Variants in IGFALS observed in about 807,000 individuals in gnomAD.
IGFALS encodes insulin like growth factor binding protein acid labile subunit, also known as insulin-like growth factor-binding protein complex acid labile subunit.
Under a neutral mutation model 2.6 loss-of-function variants are expected in IGFALS, and 2 were observed. That is an observed-to-expected ratio of 0.77 (90% CI 0.32 to 2.44). The LOEUF is 2.44. Ranked by LOEUF, IGFALS falls within the 30% of genes most tolerant of loss-of-function variation. IGFALS has a pLI of 0.11. For synonymous variants in IGFALS, 519 were observed against 431.9 expected, an observed-to-expected ratio of 1.20 and a Z score of -2.50; for missense variants, 996 against 848.7, an observed-to-expected ratio of 1.17 and a Z score of -2.16.
chr16:1,793,242 C>T (rs1013928197), intron 1 of IGFALS, among the ~76,000 whole-genome samples: 10 of 152,052 alleles, frequency 6.6e-5, no homozygotes, highest in Non-Finnish European at 1.2e-4. Context: ...TGGGGGTGGC[C>T]GAAGCTGCAA....
rs1411843641 is a variant in IGFALS, at chr16:1,791,861, G to C, written c.557C>G (p.Pro186Arg). 6.4e-7 allele frequency: 1 copy of C among 1,557,114 alleles called. No individual in the cohort carries two copies. The highest frequency in any genetic ancestry group is 1.2e-5 in the South Asian group (1 of 85,098). ...GCCCAGGCCGCGGAACGCCGCATCGGGGAGCACCGCCAGGCTATTCCAGCC... is the reference window on the plus strand; with the variant it reads ...GCCCAGGCCGCGGAACGCCGCATCGCGGAGCACCGCCAGGCTATTCCAGCC... ...NLGWNSLAVLPDAAFRGLGSL... is the reference protein window; with the variant it reads ...NLGWNSLAVLRDAAFRGLGSL... The change falls in exon 2 of 2, where the codon CCC becomes CGC. Residue 186 changes from proline (P) to arginine (R), a missense_variant. Coordinates refer to ENST00000215539, the MANE Select transcript of IGFALS (RefSeq NM_004970.3).
rs761055308 is a variant in IGFALS at position 1,790,718 on chromosome 16, T to A, written c.1700A>T (p.Glu567Val). The A allele has an allele frequency of 6.2e-7, 1 of 1,608,738 alleles. No homozygotes were observed. Among genetic ancestry groups the A allele is most frequent in the South Asian group, 1.1e-5 (1 of 90,202 alleles). Residue 567 changes from glutamate to valine, a missense_variant, in exon 2 of 2, where the codon GAG (glutamate) becomes GTG (valine). Transcript: ENST00000215539. ...AVPRFVQAICEGDDCQPPAYT... is the reference protein window; with the variant it reads ...AVPRFVQAICVGDDCQPPAYT... The stretch of plus-strand genomic sequence containing the variant: ...CGCGGGCGGCTGGCAATCGTCCCCC[T>A]CACAGATGGCCTGGACGAAGCGGGG...
rs756776590 is a variant in IGFALS, at chr16:1,791,752, C to T, written c.666G>A (p.Glu222=). 19 of 1,550,306 alleles carry T rather than the reference C, an allele frequency of 1.2e-5. No homozygotes were observed. Among genetic ancestry groups the T allele is most frequent in the Non-Finnish European group, 1.6e-5 (19 of 1,151,848 alleles). Residue 222 remains glutamate, a synonymous_variant, in exon 2 of 2, where the codon GAG becomes GAA. Transcript: ENST00000215539. The stretch of plus-strand genomic sequence containing the variant: ...GCAGCGCGTTCCTGCTCAGGTCCAG[C>T]TCCCGGAGCTCGGCCAGGCCGCTGA... ...ALFSGLAELR[E]LDLSRNALRA...
At position 1,792,196 on chromosome 16, in the gene IGFALS, G is replaced by A. The variant is rs749269481; in HGVS notation, c.222C>T (p.Gly74=). ...CGTCCAGCCACAGGGCTTGGGTGCC[G>A]CCCGGGACTCCATCAGGCAGGCGCG... ...NLTRLPDGVP[G]GTQALWLDGN... is the part of the protein sequence containing the mutation. Residue 74 remains glycine, a synonymous_variant, in exon 2 of 2, where the codon GGC becomes GGT. Transcript: ENST00000215539. The A allele has an allele frequency of 1.1e-5, 17 of 1,610,260 alleles. No individual in the cohort carries two copies. The highest frequency in any genetic ancestry group is 3.3e-5 in the South Asian group (3 of 90,982).
intron 1 of IGFALS, among the ~76,000 whole-genome samples, chr16:1,792,837 A>G (rs1191560676): frequency 6.6e-6 from 1 of 152,160 alleles, no homozygotes; most frequent in Non-Finnish European, 1.5e-5. Flanking sequence ...CTTGGTGGGC[A>G]CTCGCTCACT....
In IGFALS at chr16:1,791,324, G is replaced by A. The variant is rs773502836; in HGVS notation, c.1094C>T (p.Ala365Val). 295 of 1,608,426 alleles carry A rather than the reference G, an allele frequency of 1.8e-4. No homozygotes were observed. Among genetic ancestry groups the A allele is most frequent in the Non-Finnish European group, 2.3e-4 (270 of 1,179,940 alleles). Residue 365 changes from alanine to valine, a missense_variant, in exon 2 of 2, where the codon GCG (alanine) becomes GTG (valine). Transcript: ENST00000215539. ...AGAFLGLTNV[A>V]VMNLSGNCLR... ...ACAGTTCCCAGAGAGGTTCATGACC[G>A]CCACGTTGGTGAGGCCGAGGAAAGC...
At position 1,791,941 on chromosome 16, in the gene IGFALS, G is replaced by C; in HGVS notation, c.477C>G (p.Ser159Arg). 1.3e-6 allele frequency: 2 copies of C among 1,590,398 alleles called. No individual in the cohort carries two copies. The highest frequency in any genetic ancestry group is 1.7e-6 in the Non-Finnish European group (2 of 1,170,362). The part of the protein sequence containing the change: ...ASLGLSNNRL[S>R]RLEDGLFEGL... The stretch of plus-strand genomic sequence containing the variant: ...CCTCGAAGAGCCCGTCCTCCAGCCT[G>C]CTCAGACGGTTGTTGCTGAGGCCGA... Residue 159 changes from serine to arginine, a missense_variant, in exon 2 of 2, where the codon AGC becomes AGG. Coordinates refer to ENST00000215539, the MANE Select transcript of IGFALS (RefSeq NM_004970.3).
chr16:1,792,432 C>G (rs561612173), intron 1 of IGFALS, 31 bp from the exon 2 acceptor site: 151 of 1,516,962 alleles, frequency 1.0e-4, no homozygotes, highest in Admixed American at 1.6e-4. Context: ...GGAGGCGGCC[C>G]GAGGAGGGCT....
rs767480049 is a variant in IGFALS at position 1,790,504 on chromosome 16, G to A, written c.*96C>T. The A allele has an allele frequency of 1.6e-5, 17 of 1,072,882 alleles. No homozygotes were observed. The highest frequency in any genetic ancestry group is 2.1e-5 in the Non-Finnish European group (15 of 721,204). 66.5% of individuals were successfully genotyped at this position (1,072,882 alleles called of 1,614,324 possible). On this transcript the variant is annotated 3_prime_UTR_variant, in exon 2 of 2. Coordinates refer to ENST00000215539, the MANE Select transcript of IGFALS (RefSeq NM_004970.3). ...CAGGCCCTTGCGTCTTCCAGCAAGT[G>A]CACTGGGCAGGCCCCTGAGGACACT...
At chr16:1,794,811 C>A (rs1382607535), upstream of IGFALS, 4 of 701,850 alleles carry the variant, frequency 5.7e-6, no homozygotes, top group Non-Finnish European at 1.0e-5. Flanking sequence ...TTTCCAGGGC[C>A]CTACCCCATC....
intron 1 of IGFALS, among the ~76,000 whole-genome samples, chr16:1,793,299 C>G (rs1020770066): frequency 6.6e-6 from 1 of 152,118 alleles, no homozygotes; most frequent in African/African-American, 2.4e-5. Context: ...CGTCTCCTGC[C>G]TGGGCCGGGC....
rs9282732 is a variant in IGFALS, at chr16:1,792,385, C to T, written c.33G>A (p.Ala11=). 1,573 of 1,574,766 alleles carry T rather than the reference C, an allele frequency of 1.0e-3. 31 individuals are homozygous for T. The East Asian group carries it at 0.028, about 28-fold the overall frequency. ...GTGCCACCCAGGACAGCAGCAGCAG[C>T]GCCAGGGCCAGGCCTCCTGCGGGGG... The part of the protein sequence containing the change: MALRKGGLAL[A]LLLLSWVALG... Residue 11 remains alanine, a synonymous_variant, in exon 2 of 2, where the codon GCG becomes GCA. Coordinates refer to ENST00000215539, the MANE Select transcript of IGFALS (RefSeq NM_004970.3).
rs762689196 is a variant in IGFALS at position 1,791,863 on chromosome 16, G to A, written c.555C>T (p.Leu185=). The change falls in exon 2 of 2, where the codon CTC becomes CTT. Residue 185 remains leucine, a synonymous_variant. Coordinates refer to ENST00000215539, the MANE Select transcript of IGFALS (RefSeq NM_004970.3). ...LNLGWNSLAV[L]PDAAFRGLGS... ...CCAGGCCGCGGAACGCCGCATCGGG[G>A]AGCACCGCCAGGCTATTCCAGCCGA... 7 of 1,557,696 alleles carry A rather than the reference G, an allele frequency of 4.5e-6. 1 individual carries two copies. In the South Asian group the frequency reaches 8.2e-5, roughly 18 times the overall value.
In IGFALS at chr16:1,792,199, C is replaced by T. The variant is rs750172670; in HGVS notation, c.219G>A (p.Pro73=). The T allele has an allele frequency of 5.0e-6, 8 of 1,610,386 alleles. No individual in the cohort carries two copies. The highest frequency in any genetic ancestry group is 1.7e-5 in the Admixed American group (1 of 59,946). Reference sequence around the variant, plus strand: ...CCAGCCACAGGGCTTGGGTGCCGCCCGGGACTCCATCAGGCAGGCGCGTGA... The same window carrying T: ...CCAGCCACAGGGCTTGGGTGCCGCCTGGGACTCCATCAGGCAGGCGCGTGA... ...RNLTRLPDGV[P]GGTQALWLDG... The change falls in exon 2 of 2, where the codon CCG becomes CCA. Residue 73 remains proline, a synonymous_variant. Transcript: ENST00000215539.
At chr16:1,792,617 C>A (rs1251707026) in intron 1 of IGFALS, 5 of 836,362 alleles carry the variant, frequency 6.0e-6, no homozygotes, top group Non-Finnish European at 8.6e-6. Flanking sequence ...CCCCGCCCCG[C>A]TGCACAGACG....
Position 1,791,185 on chromosome 16 carries a change from C to G in IGFALS, c.1233G>C (p.Gly411=). The G allele has an allele frequency of 6.2e-7, 1 of 1,607,408 alleles. No homozygotes were observed. Among genetic ancestry groups the G allele is most frequent in the Non-Finnish European group, 8.5e-7 (1 of 1,179,868 alleles). The stretch of plus-strand genomic sequence containing the variant: ...TGTCCTTGAGGAAGAGTCGGCGGAG[C>G]CCCGAGAGGCCGGTGAAGGTGTGCG... ...IRPHTFTGLS[G]LRRLFLKDNG... The change falls in exon 2 of 2, where the codon GGG becomes GGC. Residue 411 remains glycine, a synonymous_variant. Coordinates refer to ENST00000215539, the MANE Select transcript of IGFALS (RefSeq NM_004970.3).
intron 1 of IGFALS, 130 bp downstream of exon 1, chr16:1,793,507 G>T: frequency 2.6e-6 from 2 of 779,924 alleles, no homozygotes; most frequent in Non-Finnish European, 4.0e-6. Flanking sequence ...GCTCCCCAGA[G>T]TCCCCCGCAG....
chr16:1,790,634 C>T lies in IGFALS; in HGVS notation c.1784G>A (p.Arg595Gln), dbSNP rs867124835. ...AGCAAAGTGGGCCTCGCTGAGGTCC[C>T]GCAGGTCGAGCCCCACGACCTCGGG... The part of the protein sequence containing the change: ...SPPEVVGLDL[R>Q]DLSEAHFAPC The change falls in exon 2 of 2, where the codon CGG (arginine) becomes CAG (glutamine). Residue 595 changes from arginine (R) to glutamine (Q), a missense_variant. By Grantham distance (43) the Arg-to-Gln change is conservative (BLOSUM62 1). Transcript: ENST00000215539. 2 of 1,581,910 alleles carry T rather than the reference C, an allele frequency of 1.3e-6. No homozygotes were observed. Among genetic ancestry groups the T allele is most frequent in the Non-Finnish European group, 1.7e-6 (2 of 1,165,246 alleles).
At position 1,790,835 on chromosome 16, in the gene IGFALS, A is replaced by G. The variant is rs1897203532; in HGVS notation, c.1583T>C (p.Leu528Pro). The G allele has an allele frequency of 1.0e-5, 16 of 1,568,328 alleles. No individual in the cohort carries two copies. Among genetic ancestry groups the G allele is most frequent in the African/African-American group, 1.4e-5 (1 of 73,790 alleles). ...GTTACCCTCCAGCCACAGGCGCTCC[A>G]GGCCCGGGGGCTGCGGCGTGAAGGT... ...LRTFTPQPPGLERLWLEGNPW... is the reference protein window; with the variant it reads ...LRTFTPQPPGPERLWLEGNPW... Residue 528 changes from leucine (L) to proline (P), a missense_variant, in exon 2 of 2, where the codon CTG becomes CCG. Coordinates refer to ENST00000215539, the MANE Select transcript of IGFALS (RefSeq NM_004970.3).
Sources: allele counts gnomAD v4.1 joint callset (sites outside exome capture counted in the v4.1 genomes callset), GRCh38; gene constraint gnomAD v4.1.1; transcripts MANE v1.5; gene names NCBI Gene and HGNC (gene_info 2026-07-23, HGNC 2026-07-21).